RALYL: variants seen among roughly 807,000 people sequenced by gnomAD.
The protein encoded by RALYL is RNA-binding Raly-like protein.
A neutral mutation model predicts 35.1 loss-of-function variants in RALYL; 29 were observed. The ratio of observed to expected loss-of-function variants is 0.83; its 90% CI spans 0.61 to 1.13. The LOEUF (loss-of-function observed/expected upper bound fraction) is 1.13, where lower values mean the gene tolerates loss of function less well. Ranked by LOEUF, RALYL falls within the 50% of genes most tolerant of loss-of-function variation. The pLI is 0.00. For missense variants in RALYL, 359 were observed against 360.4 expected (o/e 1.00, Z 0.03); for synonymous variants, 120 against 127.6 (o/e 0.94, Z 0.40).
chr8:84,208,512 G>A (rs1369757870), intron 1 of RALYL, among the ~76,000 whole-genome samples: 1 of 152,124 alleles, frequency 6.6e-6, no homozygotes, highest in African/African-American at 2.4e-5. Context: ...GCCCTCGGAA[G>A]GAGCGTAAGC....
rs552050946 is a variant in RALYL at position 84,775,973 on chromosome 8, T to A, written c.332+1319T>A. ...GCTATTGAGATCTCCTGTCATCCTATTTATTTGGTTTTCTCCCAGATACAT... is the reference window on the plus strand; with the variant it reads ...GCTATTGAGATCTCCTGTCATCCTAATTATTTGGTTTTCTCCCAGATACAT... On this transcript the variant is annotated intron_variant, in intron 3 of 8. Transcript: ENST00000521268. Among the ~76,000 whole-genome samples, 753 of 152,342 alleles carry A rather than the reference T, an allele frequency of 4.9e-3. 4 individuals carry two copies. The highest frequency in any genetic ancestry group is 0.025 in the South Asian group (119 of 4,830).
At chr8:84,211,222 T>C (rs10103144) in intron 1 of RALYL, among the ~76,000 whole-genome samples, 35,741 of 152,048 alleles carry the variant, frequency 0.24, 4,326 homozygotes, top group Non-Finnish European at 0.27. Context: ...ACCTCTTTCT[T>C]GCATACCTTT....
intron 4 of RALYL, among the ~76,000 whole-genome samples, chr8:84,808,581 A>G (rs571900271): frequency 5.3e-5 from 8 of 152,310 alleles, no homozygotes; most frequent in Admixed American, 1.3e-4. Context: ...TTGAATTTGT[A>G]GATTGCTTTT....
chr8:84,686,629 T>C (rs910914293), intron 2 of RALYL, among the ~76,000 whole-genome samples: 5 of 152,158 alleles, frequency 3.3e-5, no homozygotes, highest in African/African-American at 7.2e-5. Context: ...GGTCTCAAAC[T>C]CCTGACCTCA....
intron 1 of RALYL, among the ~76,000 whole-genome samples, chr8:84,506,957 G>A (rs577986399): frequency 6.6e-6 from 1 of 152,190 alleles, no homozygotes; most frequent in South Asian, 2.1e-4. Flanking sequence ...TAAATTGTAT[G>A]TATTTATGTA....
chr8:84,752,680 A>T (rs1423928380), intron 2 of RALYL, among the ~76,000 whole-genome samples: 2 of 152,190 alleles, frequency 1.3e-5, no homozygotes, highest in Non-Finnish European at 2.9e-5. Context: ...CATCTCCAGC[A>T]GTAGCTGAAA....
intron 3 of RALYL, among the ~76,000 whole-genome samples, chr8:84,781,777 A>G (rs1818226141): frequency 6.6e-6 from 1 of 152,218 alleles, no homozygotes; most frequent in African/African-American, 2.4e-5. Flanking sequence ...ATGCAGTCAC[A>G]AAGTATTACA....
intron 1 of RALYL, among the ~76,000 whole-genome samples, chr8:84,367,691 T>C (rs1854766886): frequency 6.6e-6 from 1 of 152,126 alleles, no homozygotes; most frequent in Admixed American, 6.6e-5. Flanking sequence ...ATCTCTCCCA[T>C]ACTTTTCTTC....
chr8:84,596,904 T>C (rs1287126569), intron 2 of RALYL, among the ~76,000 whole-genome samples: 3 of 152,180 alleles, frequency 2.0e-5, no homozygotes, highest in Admixed American at 1.3e-4. Context: ...CTGATATCAA[T>C]AGAGCAGAAA....
chr8:84,650,843 C>T (rs888432084), intron 2 of RALYL, among the ~76,000 whole-genome samples: 2 of 151,950 alleles, frequency 1.3e-5, no homozygotes, highest in African/African-American at 4.8e-5. Context: ...CAATGATAGA[C>T]TGGATTAAGA....
At chr8:84,649,995 A>G (rs565774023) in intron 2 of RALYL, among the ~76,000 whole-genome samples, 8 of 152,214 alleles carry the variant, frequency 5.3e-5, no homozygotes, top group African/African-American at 1.9e-4. Context: ...GAGGTCCTTC[A>G]CATCCCTTGT....
intron 2 of RALYL, among the ~76,000 whole-genome samples, chr8:84,696,069 G>T (rs1839071158): frequency 6.6e-6 from 1 of 151,772 alleles, no homozygotes; most frequent in African/African-American, 2.4e-5. Context: ...GTGATCACTT[G>T]ATTAGTGTCA....
intron 4 of RALYL, among the ~76,000 whole-genome samples, chr8:84,809,529 A>G (rs1367823581): frequency 6.6e-6 from 1 of 152,048 alleles, no homozygotes; most frequent in Non-Finnish European, 1.5e-5. Context: ...TTCTTTCTCT[A>G]TCTTGTGGAA....
intron 3 of RALYL, among the ~76,000 whole-genome samples, chr8:84,798,351 T>C (rs1025633691): frequency 1.3e-5 from 2 of 152,098 alleles, no homozygotes; most frequent in Non-Finnish European, 2.9e-5. Flanking sequence ...GTAATAACAA[T>C]GATGGTTAAT....
chr8:84,620,088 C>T (rs1365040376), intron 2 of RALYL, among the ~76,000 whole-genome samples: 6 of 151,802 alleles, frequency 4.0e-5, no homozygotes, highest in Non-Finnish European at 8.8e-5. Flanking sequence ...TTGCTCTTCT[C>T]GAGGAGTATC....
At chr8:84,671,358 G>A (rs996436650) in intron 2 of RALYL, among the ~76,000 whole-genome samples, 2 of 152,142 alleles carry the variant, frequency 1.3e-5, no homozygotes, top group Non-Finnish European at 2.9e-5. Flanking sequence ...TCTGGGGTCT[G>A]GAGGATGGGG....
chr8:84,609,588 T>A (rs549799912), intron 2 of RALYL, among the ~76,000 whole-genome samples: 1 of 152,320 alleles, frequency 6.6e-6, no homozygotes, highest in South Asian at 2.1e-4. Context: ...GTTCAAAACT[T>A]GATTTTTTAA....
intron 5 of RALYL, among the ~76,000 whole-genome samples, chr8:84,854,074 G>A (rs1228404690): frequency 2.0e-5 from 3 of 152,174 alleles, no homozygotes; most frequent in Non-Finnish European, 4.4e-5. Flanking sequence ...GGGGCCAGGC[G>A]CGGTGGCTCA....
chr8:84,419,920 C>A (rs894339818), intron 1 of RALYL, among the ~76,000 whole-genome samples: 2 of 151,404 alleles, frequency 1.3e-5, no homozygotes, highest in African/African-American at 4.9e-5. Flanking sequence ...GTATATGTGC[C>A]ACATTTTCTT....
Sources: allele counts gnomAD v4.1 joint callset (sites outside exome capture counted in the v4.1 genomes callset), GRCh38; gene constraint gnomAD v4.1.1; transcripts MANE v1.5; gene names NCBI Gene and HGNC (gene_info 2026-07-23, HGNC 2026-07-21).